Variants in POLA1 observed in about 807,000 individuals in gnomAD.
POLA1 encodes DNA polymerase alpha 1, catalytic subunit, also known as DNA polymerase alpha catalytic subunit.
A neutral mutation model predicts 124.0 loss-of-function variants in POLA1; 15 were observed. The ratio of observed to expected loss-of-function variants is 0.12; its 90% CI spans 0.08 to 0.19. POLA1 has a LOEUF of 0.19. POLA1 is among the 10% of genes least tolerant of loss of function. The pLI is 1.00. For missense variants in POLA1, 886 were observed against 1,103.4 expected (o/e 0.80, Z 2.79); for synonymous variants, 408 against 389.4 (o/e 1.05, Z -0.56).
intron 32 of POLA1, among the ~76,000 whole-genome samples, chrX:24,829,128 C>T (rs745703213): frequency 1.8e-5 from 2 of 110,976 alleles, no homozygotes; most frequent in Admixed American, 9.6e-5. Flanking sequence ...GACTTGCACA[C>T]GGTCCCACCC....
intron 27 of POLA1, among the ~76,000 whole-genome samples, chrX:24,810,228 T>A (rs936196306): frequency 9.0e-6 from 1 of 111,589 alleles, no homozygotes; most frequent in Non-Finnish European, 1.9e-5. Context: ...ATGATTGATT[T>A]TTTTTGGCAC....
At chrX:24,904,882 G>A (rs754166137) in intron 35 of POLA1, among the ~76,000 whole-genome samples, 12 of 111,002 alleles carry the variant, frequency 1.1e-4, no homozygotes, top group African/African-American at 1.6e-4. Flanking sequence ...AGCGTTAGCC[G>A]GCGTGGTGGC....
intron 32 of POLA1, among the ~76,000 whole-genome samples, chrX:24,829,175 C>G (rs1378396307): frequency 9.0e-6 from 1 of 111,181 alleles, no homozygotes; most frequent in Non-Finnish European, 1.9e-5. Context: ...CCTGAAAATT[C>G]TCTAGGTGCA....
At chrX:24,984,887 C>T (rs753081861) in intron 36 of POLA1, among the ~76,000 whole-genome samples, 170 of 110,300 alleles carry the variant, frequency 1.5e-3, no homozygotes, top group Admixed American at 7.7e-3. Flanking sequence ...GTCTCGATCT[C>T]CTGACCTCAT....
chrX:24,798,845 C>G (rs771936530), intron 26 of POLA1, among the ~76,000 whole-genome samples: 1 of 111,183 alleles, frequency 9.0e-6, no homozygotes, highest in Non-Finnish European at 1.9e-5. Context: ...ACATGTTTCT[C>G]TGGACAGTTG....
At chrX:24,742,833 C>A (rs1931755425) in intron 22 of POLA1, among the ~76,000 whole-genome samples, 1 of 111,301 alleles carries the variant, frequency 9.0e-6, no homozygotes, top group Non-Finnish European at 1.9e-5. Context: ...AATGATAATA[C>A]CTGCATGAAG....
intron 15 of POLA1, 70 bp downstream of exon 15, chrX:24,728,006 G>T (rs1602290457): frequency 1.2e-6 from 1 of 867,851 alleles, no homozygotes; most frequent in East Asian, 3.3e-5. Flanking sequence ...GCACAGCTTT[G>T]CTTTAAGAGA....
intron 36 of POLA1, among the ~76,000 whole-genome samples, chrX:24,979,163 ATTTTCT>A (rs1022209435): frequency 1.8e-5 from 2 of 111,990 alleles, no homozygotes; most frequent in Non-Finnish European, 3.8e-5. Flanking sequence ...AAGAATTTAG[ATTTTCT>A]TTACTAGGTA....
chrX:24,994,517 C>T (rs2048576868), intron 36 of POLA1, among the ~76,000 whole-genome samples: 1 of 112,255 alleles, frequency 8.9e-6, no homozygotes, highest in South Asian at 3.7e-4. Context: ...TTGGCACAGG[C>T]CAGCATCTTA....
chrX:24,922,808 G>A (rs1248147455), intron 35 of POLA1, among the ~76,000 whole-genome samples: 1 of 111,797 alleles, frequency 8.9e-6, no homozygotes, highest in Admixed American at 9.5e-5. Context: ...TCCAGCTTAA[G>A]CATCAATAAA....
chrX:24,972,355 G>A (rs1209669399), intron 36 of POLA1, among the ~76,000 whole-genome samples: 1 of 112,062 alleles, frequency 8.9e-6, no homozygotes, highest in Non-Finnish European at 1.9e-5. Flanking sequence ...AATTATGAGT[G>A]GGTATTATTA....
intron 32 of POLA1, among the ~76,000 whole-genome samples, chrX:24,833,065 C>T (rs951618267): frequency 8.1e-5 from 9 of 110,839 alleles, no homozygotes; most frequent in Admixed American, 3.8e-4. Flanking sequence ...CCCCATCCCA[C>T]CTTTCCCCCC....
chrX:24,768,716 C>T (rs773140501), intron 26 of POLA1, among the ~76,000 whole-genome samples: 2 of 111,911 alleles, frequency 1.8e-5, no homozygotes, highest in South Asian at 7.6e-4. Context: ...AACAGTCTGA[C>T]ACAAAAGAGT....
intron 36 of POLA1, among the ~76,000 whole-genome samples, chrX:24,950,269 G>C (rs1197262153): frequency 8.9e-6 from 1 of 112,116 alleles, no homozygotes; most frequent in Non-Finnish European, 1.9e-5. Context: ...TGGTAGAAGT[G>C]TTCTGTATCT....
At chrX:24,743,815 G>T (rs1402402845) in intron 23 of POLA1, among the ~76,000 whole-genome samples, 2 of 111,800 alleles carry the variant, frequency 1.8e-5, no homozygotes, top group Non-Finnish European at 3.8e-5. Context: ...TTTAATAGGA[G>T]AATATCTTTT....
chrX:24,988,782 A>G (rs932736750), intron 36 of POLA1, among the ~76,000 whole-genome samples: 46 of 111,691 alleles, frequency 4.1e-4, no homozygotes, highest in African/African-American at 1.4e-3. Flanking sequence ...CCTGGTCAAC[A>G]TGGCAAGACC....
chrX:24,790,195 CTG>C (rs1325308254), intron 26 of POLA1, among the ~76,000 whole-genome samples: 11 of 111,829 alleles, frequency 9.8e-5, no homozygotes, highest in Non-Finnish European at 3.8e-5. Context: ...TTCCTGAAAA[CTG>C]TGGTTGGATG....
chrX:24,939,115 C>A (rs1336844416), intron 36 of POLA1, among the ~76,000 whole-genome samples: 6 of 112,062 alleles, frequency 5.4e-5, no homozygotes, highest in Non-Finnish European at 9.4e-5. Context: ...TGGGCAAGTT[C>A]CTTTCCCCTT....
intron 36 of POLA1, among the ~76,000 whole-genome samples, chrX:24,985,374 C>T (rs1351686297): frequency 2.7e-5 from 3 of 113,010 alleles, no homozygotes; most frequent in Non-Finnish European, 5.6e-5. Context: ...GCCATAGTTG[C>T]TAACCCTTAC....
Sources: allele counts gnomAD v4.1 joint callset (sites outside exome capture counted in the v4.1 genomes callset), GRCh38; gene constraint gnomAD v4.1.1; transcripts MANE v1.5; gene names NCBI Gene and HGNC (gene_info 2026-07-23, HGNC 2026-07-21).